Variants in ITPRID1 observed in about 807,000 individuals in gnomAD.
The protein encoded by ITPRID1 is protein ITPRID1.
In ITPRID1, 96 loss-of-function variants were observed where a neutral mutation model predicts 95.4. That is an observed-to-expected ratio of 1.01 (90% CI 0.85 to 1.19). The LOEUF is 1.19. Among genes scored for constraint, ITPRID1 ranks in the 50% most tolerant of loss-of-function variants. The pLI is 0.00. For missense variants in ITPRID1, 1,339 were observed against 1,252.9 expected, an observed-to-expected ratio of 1.07 and a Z score of -1.04; for synonymous variants, 510 against 453.6, an observed-to-expected ratio of 1.12 and a Z score of -1.58.
At chr7:31,586,670 C>A (rs1456807512) in intron 10 of ITPRID1, among the ~76,000 whole-genome samples, 1 of 152,102 alleles carries the variant, frequency 6.6e-6, no homozygotes. Flanking sequence ...GTCCTTCACC[C>A]ACTTTTTGAT....
chr7:31,548,144 T>C (rs1207532321), intron 1 of ITPRID1, among the ~76,000 whole-genome samples: 3 of 151,762 alleles, frequency 2.0e-5, no homozygotes, highest in African/African-American at 7.3e-5. Context: ...TTTTGGAGAG[T>C]GTTCTCTTAC....
intron 10 of ITPRID1, among the ~76,000 whole-genome samples, chr7:31,593,579 A>T (rs1785954840): frequency 6.6e-6 from 1 of 152,230 alleles, no homozygotes; most frequent in Non-Finnish European, 1.5e-5. Context: ...ACAGAGTGAC[A>T]GTAAGAATGT....
rs578211808 is a variant in ITPRID1, at chr7:31,551,017, C to A, written c.-24+1518C>A. 1.3e-4 allele frequency among the ~76,000 whole-genome samples: 18 copies of A among 143,842 alleles called. 1 individual carries two copies. Among genetic ancestry groups the A allele is most frequent in the African/African-American group, 4.4e-4 (18 of 40,914 alleles). The allele number at this position is 143,842 out of a possible 152,430, so 94.4% of individuals were successfully genotyped here. On this transcript the variant is annotated intron_variant, in intron 2 of 14. Transcript: ENST00000615280. ...TTGTTTCCTCCACAGTGCAAACTCTCCCATTCTAAATGAAACTCACTTTCA... is the reference window on the plus strand; with the variant it reads ...TTGTTTCCTCCACAGTGCAAACTCTACCATTCTAAATGAAACTCACTTTCA...
At chr7:31,630,244 C>A (rs200245909) in intron 10 of ITPRID1, among the ~76,000 whole-genome samples, 339 of 103,550 alleles carry the variant, frequency 3.3e-3, no homozygotes, top group African/African-American at 4.7e-3. Context: ...GTCTACTTGG[C>A]AAAAAAAAAA....
At chr7:31,540,634 G>C (rs1165601000) in intron 1 of ITPRID1, among the ~76,000 whole-genome samples, 1 of 152,128 alleles carries the variant, frequency 6.6e-6, no homozygotes, top group Non-Finnish European at 1.5e-5. Context: ...ATAATTATTT[G>C]TTACATAGTC....
At chr7:31,580,298 CA>C (rs11394739) in intron 9 of ITPRID1, among the ~76,000 whole-genome samples, 2,933 of 126,806 alleles carry the variant, frequency 0.023, 90 homozygotes, top group African/African-American at 0.08. Context: ...AACTCTGTCT[CA>C]AAAAAAAAAA....
intron 10 of ITPRID1, among the ~76,000 whole-genome samples, chr7:31,593,576 G>C (rs1321382988): frequency 6.6e-6 from 1 of 152,114 alleles, no homozygotes; most frequent in African/African-American, 2.4e-5. Context: ...AATACAGAGT[G>C]ACAGTAAGAA....
intron 10 of ITPRID1, among the ~76,000 whole-genome samples, chr7:31,625,767 A>ATAATT (rs1788406200): frequency 1.3e-5 from 2 of 152,172 alleles, no homozygotes; most frequent in Admixed American, 1.3e-4. Context: ...AACTTAAAGT[A>ATAATT]TAATTAAAAA....
At chr7:31,618,930 T>C (rs1364078382) in intron 10 of ITPRID1, among the ~76,000 whole-genome samples, 1 of 152,238 alleles carries the variant, frequency 6.6e-6, no homozygotes, top group Admixed American at 6.5e-5. Context: ...TGGTTTATCA[T>C]ATGTGTCGAG....
intron 12 of ITPRID1, among the ~76,000 whole-genome samples, chr7:31,644,271 C>A (rs1418040154): frequency 7.1e-6 from 1 of 140,776 alleles, no homozygotes; most frequent in Middle Eastern, 3.5e-3. Flanking sequence ...ATCTGTAACT[C>A]ATCTCCAGTT....
intron 5 of ITPRID1, among the ~76,000 whole-genome samples, chr7:31,562,046 A>T (rs1345544779): frequency 1.4e-3 from 20 of 14,174 alleles, no homozygotes; most frequent in Non-Finnish European, 7.9e-3. Context: ...TATGTATTTA[A>T]AAAAAAAAAA....
intron 1 of ITPRID1, among the ~76,000 whole-genome samples, chr7:31,538,078 G>T (rs947218468): frequency 6.6e-5 from 10 of 152,172 alleles, no homozygotes; most frequent in Non-Finnish European, 1.0e-4. Context: ...TAACAGCGAA[G>T]ACTGGACTGA....
chr7:31,525,476 A>T (rs1364159027), intron 1 of ITPRID1, among the ~76,000 whole-genome samples: 1 of 152,212 alleles, frequency 6.6e-6, no homozygotes, highest in Non-Finnish European at 1.5e-5. Context: ...GTGCTAGTTG[A>T]GACTCCATGG....
chr7:31,549,526 T>A, intron 2 of ITPRID1, 27 bp downstream of exon 2: 1 of 1,487,414 alleles, frequency 6.7e-7, no homozygotes, highest in South Asian at 1.3e-5. Context: ...TATTTTTCAT[T>A]AAATTTTCCC....
chr7:31,540,557 C>T lies in ITPRID1; in HGVS notation c.-97-8869C>T, dbSNP rs1015309627. Among the ~76,000 whole-genome samples, 4 of 152,246 alleles carry T rather than the reference C, an allele frequency of 2.6e-5. No individual in the cohort carries two copies. The East Asian group carries it at 7.7e-4, about 29-fold the overall frequency. Reference sequence around the variant, plus strand: ...CCAGTTTCCCATTTTTATTAAAAGACAAATCATGGTAGGACTGGTTTGCTT... The same window carrying T: ...CCAGTTTCCCATTTTTATTAAAAGATAAATCATGGTAGGACTGGTTTGCTT... On this transcript the variant is annotated intron_variant, in intron 1 of 14. Coordinates refer to ENST00000615280, the MANE Select transcript of ITPRID1 (RefSeq NM_001257967.3).
intron 1 of ITPRID1, among the ~76,000 whole-genome samples, chr7:31,539,138 A>G (rs544413191): frequency 1.3e-5 from 2 of 152,320 alleles, no homozygotes; most frequent in Admixed American, 1.3e-4. Flanking sequence ...CAAAACTGCT[A>G]TAAACATCAA....
intron 10 of ITPRID1, among the ~76,000 whole-genome samples, chr7:31,622,091 C>T (rs1179819881): frequency 7.2e-6 from 1 of 138,566 alleles, no homozygotes; most frequent in Non-Finnish European, 1.6e-5. Flanking sequence ...ACAGGAGCAC[C>T]CAGATTCATA....
At chr7:31,515,252 G>A (rs1001226722) in intron 1 of ITPRID1, among the ~76,000 whole-genome samples, 2 of 151,048 alleles carry the variant, frequency 1.3e-5, no homozygotes, top group African/African-American at 2.4e-5. Flanking sequence ...TAAAGGCAAT[G>A]AGGGAAATGC....
At chr7:31,600,073 CA>C (rs973108558) in intron 10 of ITPRID1, among the ~76,000 whole-genome samples, 1 of 151,864 alleles carries the variant, frequency 6.6e-6, no homozygotes, top group African/African-American at 2.4e-5. Flanking sequence ...AAAGATTTAA[CA>C]AAAAAAGTCA....
Sources: gnomAD v4.1 joint callset for allele counts (sites outside exome capture counted in the v4.1 genomes callset) on GRCh38, gnomAD v4.1.1 for gene constraint, MANE v1.5 for transcripts, NCBI Gene and HGNC (gene_info 2026-07-23, HGNC 2026-07-21) for gene names.